The following CUX1 variants were observed in gnomAD, a reference collection of about 807,000 sequenced individuals.
CUX1 encodes the protein cut like homeobox 1.
Under a neutral mutation model 158.8 loss-of-function variants are expected in CUX1, and 31 were observed. That is an observed-to-expected ratio of 0.20 (90% CI 0.15 to 0.26). CUX1 has a LOEUF of 0.26. Among genes scored for constraint, CUX1 ranks in the 10% least tolerant of loss-of-function variants. The probability of loss-of-function intolerance (pLI) is 1.00; values close to 1 mark genes in which losing one functional copy is unlikely to be tolerated. For synonymous variants in CUX1, 879 were observed against 862.1 expected, an observed-to-expected ratio of 1.02 and a Z score of -0.34; for missense variants, 1,589 against 2,014.6, an observed-to-expected ratio of 0.79 and a Z score of 4.04.
At position 102,179,739 on chromosome 7, in the gene CUX1, T is replaced by C. The variant is rs1388634928; in HGVS notation, c.1017+1082T>C. ...CACAGGCTTCAGAGCCAGGGGAGAC[T>C]CTCGGAGTTGTCTGTCTTGACAGCG... is the stretch of plus-strand genomic sequence containing the variant. On this transcript the variant is annotated intron_variant, in intron 11 of 23. Transcript: ENST00000292535. Among the ~76,000 whole-genome samples, 8 of 152,202 alleles carry C rather than the reference T, an allele frequency of 5.3e-5. 1 individual carries two copies. Among genetic ancestry groups the C allele is most frequent in the Non-Finnish European group, 1.5e-5 (1 of 68,040 alleles).
At chr7:102,203,092 G>A (rs542422138) in intron 18 of CUX1, among the ~76,000 whole-genome samples, 33 of 152,174 alleles carry the variant, frequency 2.2e-4, no homozygotes, top group African/African-American at 6.5e-4. Flanking sequence ...TCAGCCTCCT[G>A]AGTAGCTGGG....
chr7:101,897,380 C>T (rs1801628763), intron 1 of CUX1, among the ~76,000 whole-genome samples: 1 of 151,954 alleles, frequency 6.6e-6, no homozygotes, highest in Non-Finnish European at 1.5e-5. Flanking sequence ...ATGCACCTGT[C>T]GTGTCAGCTA....
At chr7:102,217,986 C>T (rs1264872472) in intron 20 of CUX1, among the ~76,000 whole-genome samples, 1 of 152,138 alleles carries the variant, frequency 6.6e-6, no homozygotes, top group Non-Finnish European at 1.5e-5. Flanking sequence ...TGGATGGACA[C>T]GATGGTGTCT....
At chr7:101,862,926 A>T (rs1797610101) in intron 1 of CUX1, among the ~76,000 whole-genome samples, 1 of 151,772 alleles carries the variant, frequency 6.6e-6, no homozygotes, top group African/African-American at 2.4e-5. Context: ...ATTACAGAAA[A>T]TTTCAAATAT....
chr7:102,022,008 G>A (rs890930560), intron 2 of CUX1, among the ~76,000 whole-genome samples: 1 of 152,188 alleles, frequency 6.6e-6, no homozygotes, highest in Admixed American at 6.5e-5. Flanking sequence ...CAGCAGCTCA[G>A]CGTGTCACCA....
intron 1 of CUX1, among the ~76,000 whole-genome samples, chr7:101,887,067 C>T (rs1465371025): frequency 3.9e-5 from 6 of 152,108 alleles, no homozygotes; most frequent in Non-Finnish European, 7.4e-5. Context: ...AATGTTCTGA[C>T]GAAGGAGGTC....
At chr7:102,231,125 GT>G (rs1314056657) in intron 21 of CUX1, among the ~76,000 whole-genome samples, 1 of 150,278 alleles carries the variant, frequency 6.7e-6, no homozygotes, top group Non-Finnish European at 1.5e-5. Flanking sequence ...CGCCTCCCAG[GT>G]TCACGCCATT....
At chr7:102,127,832 TTTTG>T (rs141324142) in intron 8 of CUX1, among the ~76,000 whole-genome samples, 78,511 of 151,124 alleles carry the variant, frequency 0.52, 20,989 homozygotes, top group Middle Eastern at 0.66. Context: ...TTTTCGTGTT[TTTTG>T]TTTGTTTGTT....
intron 2 of CUX1, among the ~76,000 whole-genome samples, chr7:101,974,159 T>A (rs1422285682): frequency 1.3e-5 from 2 of 151,278 alleles, no homozygotes; most frequent in African/African-American, 4.9e-5. Context: ...TCCACCTCCC[T>A]GGGCTCAAGT....
chr7:102,164,235 T>G (rs1790765961), intron 9 of CUX1, among the ~76,000 whole-genome samples: 1 of 152,192 alleles, frequency 6.6e-6, no homozygotes, highest in Non-Finnish European at 1.5e-5. Context: ...GAGTTGCTGG[T>G]GGGTCTCAAA....
At chr7:101,935,583 T>C (rs112442729) in intron 2 of CUX1, among the ~76,000 whole-genome samples, 8 of 152,314 alleles carry the variant, frequency 5.3e-5, no homozygotes, top group Admixed American at 2.0e-4. Context: ...GTTGGCATGG[T>C]ATCCACCATT....
At chr7:102,168,683 G>A (rs1440988777) in intron 9 of CUX1, among the ~76,000 whole-genome samples, 1 of 148,912 alleles carries the variant, frequency 6.7e-6, no homozygotes, top group Non-Finnish European at 1.5e-5. Flanking sequence ...TTGTCTGTAT[G>A]CAGGGCAAAT....
chr7:102,200,632 C>T (rs886840395), intron 17 of CUX1, among the ~76,000 whole-genome samples: 3 of 152,100 alleles, frequency 2.0e-5, no homozygotes, highest in Admixed American at 2.0e-4. Flanking sequence ...TGAGCCACCG[C>T]GCCTGGCCCC....
intron 20 of CUX1, among the ~76,000 whole-genome samples, chr7:102,226,279 A>G (rs1458558216): frequency 6.6e-6 from 1 of 152,184 alleles, no homozygotes; most frequent in Non-Finnish European, 1.5e-5. Context: ...ACCAGCAAAG[A>G]GCTCGGTTTT....
chr7:102,157,344 T>C (rs1383121516), intron 8 of CUX1, among the ~76,000 whole-genome samples: 4 of 151,874 alleles, frequency 2.6e-5, no homozygotes, highest in Admixed American at 1.3e-4. Flanking sequence ...AAAACCTTCC[T>C]TGGGTCACAG....
At chr7:101,890,436 G>A (rs377135632) in intron 1 of CUX1, among the ~76,000 whole-genome samples, 22 of 141,636 alleles carry the variant, frequency 1.6e-4, no homozygotes, top group African/African-American at 3.8e-4. Context: ...CTCCACCCCC[G>A]CCTTGGGTCA....
At chr7:102,212,234 T>C (rs922143905) in intron 20 of CUX1, among the ~76,000 whole-genome samples, 2 of 152,174 alleles carry the variant, frequency 1.3e-5, no homozygotes, top group Admixed American at 6.5e-5. Context: ...CCTGCACAGA[T>C]GTCAGGGGCA....
intron 2 of CUX1, among the ~76,000 whole-genome samples, chr7:101,940,786 C>T (rs142970063): frequency 1.3e-3 from 193 of 152,162 alleles, no homozygotes; most frequent in African/African-American, 4.4e-3. Flanking sequence ...CTGTGGTGCC[C>T]GTGTTCACTG....
intron 8 of CUX1, among the ~76,000 whole-genome samples, chr7:102,151,822 G>A (rs1554503687): frequency 1.3e-5 from 2 of 150,128 alleles, no homozygotes; most frequent in African/African-American, 4.9e-5. Flanking sequence ...AACACTGATG[G>A]CCACACTCAC....
Sources: allele counts gnomAD v4.1 joint callset (sites outside exome capture counted in the v4.1 genomes callset), GRCh38; gene constraint gnomAD v4.1.1; transcripts MANE v1.5; gene names NCBI Gene and HGNC (gene_info 2026-07-23, HGNC 2026-07-21).